The following TRMT10B variants were observed in gnomAD, a reference collection of about 807,000 sequenced individuals.
TRMT10B encodes tRNA methyltransferase 10 homolog B.
Under a neutral mutation model 43.8 loss-of-function variants are expected in TRMT10B, and 33 were observed. The ratio of observed to expected loss-of-function variants is 0.75; its 90% CI spans 0.57 to 1.01. TRMT10B has a LOEUF of 1.01. Among genes scored for constraint, TRMT10B ranks in the 50% least tolerant of loss-of-function variants. TRMT10B has a pLI of 0.00. For missense variants in TRMT10B, 362 were observed against 369.8 expected (o/e 0.98, Z 0.17); for synonymous variants, 137 against 130.6 (o/e 1.05, Z -0.34).
intron 7 of TRMT10B, among the ~76,000 whole-genome samples, chr9:37,774,476 GAAATAAGCT>G (rs1827923759): frequency 6.6e-6 from 1 of 152,206 alleles, no homozygotes; most frequent in Non-Finnish European, 1.5e-5. Flanking sequence ...CTTCTTCACA[GAAATAAGCT>G]AAGAACAACA....
chr9:37,753,637 G>A (rs1825211092), upstream of TRMT10B, among the ~76,000 whole-genome samples: 1 of 152,344 alleles, frequency 6.6e-6, no homozygotes, highest in South Asian at 2.1e-4. Context: ...TTCAGAGAAG[G>A]TGGGCAACCA....
intron 6 of TRMT10B, among the ~76,000 whole-genome samples, chr9:37,770,326 A>AT (rs1264846591): frequency 6.6e-6 from 1 of 152,024 alleles, no homozygotes; most frequent in Non-Finnish European, 1.5e-5. Flanking sequence ...TGTTAGATCT[A>AT]TTTTTTCCTA....
chr9:37,775,943 C>T (rs575932084), intron 7 of TRMT10B, among the ~76,000 whole-genome samples: 84 of 152,324 alleles, frequency 5.5e-4, no homozygotes, highest in African/African-American at 1.9e-3. Flanking sequence ...TGGCAATGAG[C>T]TGGAAGTTCC....
At chr9:37,755,664 G>A (rs1297250342) in intron 1 of TRMT10B, among the ~76,000 whole-genome samples, 2 of 152,168 alleles carry the variant, frequency 1.3e-5, no homozygotes, top group African/African-American at 4.8e-5. Flanking sequence ...CTCTTCTGAT[G>A]GTGGTTGGAG....
At chr9:37,762,142 T>C in intron 2 of TRMT10B, 25 bp downstream of exon 2, 1 of 1,599,024 alleles carries the variant, frequency 6.3e-7, no homozygotes, top group Non-Finnish European at 8.5e-7. Context: ...TGCCTGGCCA[T>C]AGGCCTTGAA....
chr9:37,765,423 T>C (rs996291489), intron 4 of TRMT10B, among the ~76,000 whole-genome samples: 2 of 152,250 alleles, frequency 1.3e-5, no homozygotes, highest in South Asian at 2.1e-4. Flanking sequence ...ACAAAGGACA[T>C]GAACTCATCA....
At chr9:37,766,901 T>A (rs1317104972) in intron 4 of TRMT10B, 2 of 152,228 alleles carry the variant, frequency 1.3e-5, no homozygotes, top group Admixed American at 6.5e-5. Flanking sequence ...ATAAGAATGC[T>A]TGTGATTTTT....
At chr9:37,772,308 C>G (rs1380137973) in intron 7 of TRMT10B, among the ~76,000 whole-genome samples, 1 of 152,068 alleles carries the variant, frequency 6.6e-6, no homozygotes, top group African/African-American at 2.4e-5. Context: ...GTCACTGTGC[C>G]TGGCCTAGTT....
intron 8 of TRMT10B, 117 bp from the exon 9 acceptor site, chr9:37,777,484 G>T: frequency 1.2e-6 from 1 of 819,684 alleles, no homozygotes. Context: ...CAAGACCTTA[G>T]TACCACATAT....
upstream of TRMT10B, among the ~76,000 whole-genome samples, chr9:37,753,609 C>T (rs1445014122): frequency 6.6e-6 from 1 of 152,166 alleles, no homozygotes; most frequent in African/African-American, 2.4e-5. Flanking sequence ...AGCTGTCCAG[C>T]AGACGGGGAG....
At chr9:37,760,101 G>A (rs890087603) in intron 1 of TRMT10B, among the ~76,000 whole-genome samples, 4 of 152,138 alleles carry the variant, frequency 2.6e-5, no homozygotes, top group Admixed American at 1.3e-4. Flanking sequence ...CGAGGTGGGC[G>A]GATCACCTGA....
In TRMT10B at chr9:37,777,915, G is replaced by T; in HGVS notation, c.*208G>T. ...AGCTACTTGGGAGGCTGAGGCAGGA[G>T]AATCACTTGAACTCGGGAGGCGAAG... On this transcript the variant is annotated 3_prime_UTR_variant, in exon 9 of 9. Transcript: ENST00000297994. The T allele has an allele frequency of 2.4e-6, 1 of 416,576 alleles. No individual in the cohort carries two copies. The highest frequency in any genetic ancestry group is 4.5e-6 in the Non-Finnish European group (1 of 224,246). 25.8% of individuals were successfully genotyped at this position (416,576 alleles called of 1,614,324 possible). A position where few individuals can be genotyped will look rare whatever the true frequency, so the allele number is the denominator to read the frequency against.
In TRMT10B at chr9:37,777,583, C is replaced by T; in HGVS notation, c.845-18C>T. 1.9e-6 allele frequency: 3 copies of T among 1,587,946 alleles called. No individual in the cohort carries two copies. The highest frequency in any genetic ancestry group is 2.6e-6 in the Non-Finnish European group (3 of 1,157,622). ...TTTCCCTCTGTGGTCACTGTGTTTT[C>T]TGTTTACTCTCTAACAGTGTTTGAT... On this transcript the variant is annotated intron_variant, in intron 8 of 8. Coordinates refer to ENST00000297994, the MANE Select transcript of TRMT10B (RefSeq NM_144964.4).
rs1394917430 is a variant in TRMT10B, at chr9:37,768,116, G to T, written c.461G>T (p.Gly154Val). 3.1e-6 allele frequency: 5 copies of T among 1,613,946 alleles called. No individual in the cohort carries two copies. In the African/African-American group the frequency reaches 6.7e-5, roughly 22 times the overall value. The change falls in exon 5 of 9, where the codon GGT becomes GTT. Residue 154 changes from glycine to valine, a missense_variant. Transcript: ENST00000297994. ...RLAGQIRRLY[G>V]SNKKADRPFW... ...GCTGGACAGATTCGAAGGTTGTATG[G>T]TTCAAACAAAAAAGCTGACAGGCCA...
intron 5 of TRMT10B, 109 bp downstream of exon 5, chr9:37,768,337 T>TA (rs1411647808): frequency 3.9e-6 from 5 of 1,287,020 alleles, no homozygotes; most frequent in Admixed American, 2.4e-5. Flanking sequence ...TATTGAAGTC[T>TA]AAAAAAATTC....
chr9:37,757,049 TG>T (rs1331138871), intron 1 of TRMT10B, among the ~76,000 whole-genome samples: 1 of 151,984 alleles, frequency 6.6e-6, no homozygotes, highest in East Asian at 1.9e-4. Context: ...TGTTCATTCA[TG>T]TGGAGTGCTT....
At chr9:37,765,579 T>G (rs1406298322) in intron 4 of TRMT10B, among the ~76,000 whole-genome samples, 1 of 152,240 alleles carries the variant, frequency 6.6e-6, no homozygotes, top group African/African-American at 2.4e-5. Context: ...AAGCATGATT[T>G]ATAATCCTTT....
intron 4 of TRMT10B, among the ~76,000 whole-genome samples, chr9:37,766,494 G>A (rs1563995607): frequency 6.6e-6 from 1 of 152,172 alleles, no homozygotes; most frequent in Non-Finnish European, 1.5e-5. Context: ...TTGTAGTATA[G>A]TTTGAAGTCA....
At chr9:37,769,913 T>A (rs769216978) in intron 5 of TRMT10B, 28 bp from the exon 6 acceptor site, 15 of 1,601,968 alleles carry the variant, frequency 9.4e-6, no homozygotes, top group Non-Finnish European at 1.3e-5. Flanking sequence ...GTGAGCTGTT[T>A]TAACATCAGA....
Sources: gnomAD v4.1 joint callset for allele counts (sites outside exome capture counted in the v4.1 genomes callset) on GRCh38, gnomAD v4.1.1 for gene constraint, MANE v1.5 for transcripts, NCBI Gene and HGNC (gene_info 2026-07-23, HGNC 2026-07-21) for gene names.